NRXN1: variants seen among roughly 807,000 people sequenced by gnomAD.
NRXN1 encodes the protein neurexin-1.
In NRXN1, 39 loss-of-function variants were observed where a neutral mutation model predicts 150.9. The ratio of observed to expected loss-of-function variants is 0.26; its 90% CI spans 0.20 to 0.34. The LOEUF is 0.34. Among genes scored for constraint, NRXN1 ranks in the 10% least tolerant of loss-of-function variants. The probability of loss-of-function intolerance (pLI) is 1.00; values close to 1 mark genes in which losing one functional copy is unlikely to be tolerated. For synonymous variants in NRXN1, 924 were observed against 757.0 expected (o/e 1.22, Z -3.62); for missense variants, 1,815 against 1,949.9 (o/e 0.93, Z 1.30).
intron 5 of NRXN1, among the ~76,000 whole-genome samples, chr2:50,862,646 A>T (rs1676313387): frequency 6.6e-6 from 1 of 152,066 alleles, no homozygotes; most frequent in South Asian, 2.1e-4. Context: ...AAAAAAGATA[A>T]ATGATCACAG....
intron 5 of NRXN1, among the ~76,000 whole-genome samples, chr2:50,680,157 G>T (rs1316024606): frequency 6.6e-6 from 1 of 151,844 alleles, no homozygotes; most frequent in Non-Finnish European, 1.5e-5. Context: ...CTCAAAAATT[G>T]AATTTAGGAA....
intron 17 of NRXN1, among the ~76,000 whole-genome samples, chr2:50,275,852 C>A (rs947049558): frequency 6.6e-6 from 1 of 152,000 alleles, no homozygotes; most frequent in Non-Finnish European, 1.5e-5. Context: ...GTAAACATAG[C>A]AGTGAATTGC....
At chr2:49,951,945 G>GA (rs2104461454) in intron 21 of NRXN1, among the ~76,000 whole-genome samples, 1 of 152,020 alleles carries the variant, frequency 6.6e-6, no homozygotes, top group Admixed American at 6.6e-5. Context: ...AGCTTTCATT[G>GA]TTGCCATGTT....
chr2:50,756,885 C>T (rs2105358457), intron 5 of NRXN1, among the ~76,000 whole-genome samples: 2 of 151,916 alleles, frequency 1.3e-5, no homozygotes, highest in South Asian at 4.1e-4. Context: ...TAAATATACT[C>T]TTATAATCCA....
At chr2:50,656,696 C>T (rs1686520368) in intron 5 of NRXN1, among the ~76,000 whole-genome samples, 1 of 151,606 alleles carries the variant, frequency 6.6e-6, no homozygotes, top group South Asian at 2.1e-4. Context: ...CTCATGTCCC[C>T]ACCACTCCAT....
In NRXN1 at chr2:50,641,667, A is replaced by T. The variant is rs142405032; in HGVS notation, c.833-18052T>A. Among the ~76,000 whole-genome samples, 292 of 152,182 alleles carry T rather than the reference A, an allele frequency of 1.9e-3. 1 individual carries two copies. Among genetic ancestry groups the T allele is most frequent in the African/African-American group, 6.9e-3 (287 of 41,524 alleles). ...CAGATTTGAGGCATCTCTTAGGGCA[A>T]AGCGGTTTTGAGGTATTCTTGGCGA... On this transcript the variant is annotated intron_variant, in intron 5 of 22. Coordinates refer to ENST00000401669, the MANE Select transcript of NRXN1 (RefSeq NM_001330078.2).
intron 2 of NRXN1, among the ~76,000 whole-genome samples, chr2:50,965,387 T>C (rs1248934737): frequency 6.6e-6 from 1 of 151,260 alleles, no homozygotes; most frequent in Non-Finnish European, 1.5e-5. Flanking sequence ...GTTGACCAAA[T>C]ATTTGTATCT....
intron 21 of NRXN1, among the ~76,000 whole-genome samples, chr2:49,990,173 G>T (rs550731995): frequency 1.1e-4 from 17 of 151,982 alleles, no homozygotes; most frequent in Non-Finnish European, 2.1e-4. Context: ...GGGTGTTCAG[G>T]GAAAGGCTGT....
chr2:50,471,438 G>T (rs1240941380), intron 16 of NRXN1, among the ~76,000 whole-genome samples: 1 of 151,664 alleles, frequency 6.6e-6, no homozygotes, highest in African/African-American at 2.4e-5. Flanking sequence ...ACATTATTTT[G>T]TTCTTTCTAT....
chr2:49,958,237 G>C (rs968483316), intron 21 of NRXN1, among the ~76,000 whole-genome samples: 2 of 152,098 alleles, frequency 1.3e-5, no homozygotes, highest in African/African-American at 4.8e-5. Context: ...TCTTCCTGCA[G>C]GTATTTCAGT....
At chr2:50,577,188 C>G (rs185631054) in intron 8 of NRXN1, among the ~76,000 whole-genome samples, 1 of 152,006 alleles carries the variant, frequency 6.6e-6, no homozygotes, top group Admixed American at 6.6e-5. Flanking sequence ...AGCTGAGAGA[C>G]AACTCTGAAA....
intron 17 of NRXN1, among the ~76,000 whole-genome samples, chr2:50,306,383 C>T (rs1033664604): frequency 6.6e-6 from 1 of 152,168 alleles, no homozygotes; most frequent in Admixed American, 6.5e-5. Flanking sequence ...CCTTTAAAAT[C>T]CAGCCTGAAA....
At chr2:50,412,115 G>A (rs2083230994) in intron 17 of NRXN1, among the ~76,000 whole-genome samples, 1 of 152,028 alleles carries the variant, frequency 6.6e-6, no homozygotes, top group South Asian at 2.1e-4. Flanking sequence ...CTTGAAGGCA[G>A]CATACTCATT....
At chr2:50,092,355 C>T (rs1699697601) in intron 18 of NRXN1, among the ~76,000 whole-genome samples, 1 of 152,196 alleles carries the variant, frequency 6.6e-6, no homozygotes, top group Admixed American at 6.5e-5. Context: ...TTTAACAGGA[C>T]TGTCAACTCT....
intron 18 of NRXN1, among the ~76,000 whole-genome samples, chr2:50,149,327 A>G (rs2058560707): frequency 6.6e-6 from 1 of 151,746 alleles, no homozygotes; most frequent in South Asian, 2.1e-4. Flanking sequence ...AAGTTTTACC[A>G]TCCAAGAAAG....
intron 18 of NRXN1, among the ~76,000 whole-genome samples, chr2:50,209,815 G>C (rs560720481): frequency 2.5e-4 from 30 of 120,382 alleles, no homozygotes; most frequent in African/African-American, 9.4e-4. Context: ...AAAATAAAAT[G>C]AGAAATGTCA....
At chr2:50,629,952 T>C (rs1374270852) in intron 5 of NRXN1, among the ~76,000 whole-genome samples, 1 of 151,620 alleles carries the variant, frequency 6.6e-6, no homozygotes, top group Non-Finnish European at 1.5e-5. Context: ...AAAGAGCCTC[T>C]ATTTCTAGCC....
rs1491205619 is a variant in NRXN1 at position 50,907,187 on chromosome 2, A to AAAAAACC, written c.832+14681_832+14682insGGTTTTT. On this transcript the variant is annotated intron_variant, in intron 5 of 22. Coordinates refer to ENST00000401669, the MANE Select transcript of NRXN1 (RefSeq NM_001330078.2). ...AGAATCTGAAAAAAACCAAAAAACC[A>AAAAAACC]AAAAAAAAAACAAAAAAATAAACCA... 5.0e-5 allele frequency among the ~76,000 whole-genome samples: 6 copies of AAAAAACC among 119,060 alleles called. No homozygotes were observed. The South Asian group carries it at 1.7e-3, about 34-fold the overall frequency. 78.1% of individuals were successfully genotyped at this position (119,060 alleles called of 152,430 possible).
rs569755194 is a variant in NRXN1 at position 50,925,974 on chromosome 2, G to A, written c.773-19C>T. On this transcript the variant is annotated intron_variant, in intron 2 of 22. Transcript: ENST00000401669. Reference sequence around the variant, plus strand: ...TTGTCTTCTGAAAGCACATGACAAGGAGGGAGAGAAAAGGAAAAACATTCA... The same window carrying A: ...TTGTCTTCTGAAAGCACATGACAAGAAGGGAGAGAAAAGGAAAAACATTCA... 3.2e-6 allele frequency: 5 copies of A among 1,567,864 alleles called. No homozygotes were observed. The highest frequency in any genetic ancestry group is 2.3e-5 in the East Asian group (1 of 42,618).
Sources: gnomAD v4.1 joint callset for allele counts (sites outside exome capture counted in the v4.1 genomes callset) on GRCh38, gnomAD v4.1.1 for gene constraint, MANE v1.5 for transcripts, NCBI Gene and HGNC (gene_info 2026-07-23, HGNC 2026-07-21) for gene names.